BRDT: variants seen among roughly 807,000 people sequenced by gnomAD.
BRDT encodes bromodomain testis-specific protein.
Under a neutral mutation model 113.9 loss-of-function variants are expected in BRDT, and 77 were observed. That is an observed-to-expected ratio of 0.68 (90% CI 0.56 to 0.82). The LOEUF (loss-of-function observed/expected upper bound fraction) is 0.82. Among genes scored for constraint, BRDT ranks in the 40% least tolerant of loss-of-function variants. The pLI is 0.00. For missense variants in BRDT, 1,027 were observed against 1,105.4 expected, an observed-to-expected ratio of 0.93 and a Z score of 1.01; for synonymous variants, 358 against 366.5, an observed-to-expected ratio of 0.98 and a Z score of 0.26.
intron 14 of BRDT, 142 bp from the exon 15 acceptor site, chr1:91,993,941 T>C (rs1686030411): frequency 2.8e-6 from 2 of 704,904 alleles, no homozygotes; most frequent in Non-Finnish European, 4.4e-6. Context: ...TAACTATACA[T>C]TATAGATTTG....
chr1:91,978,438 C>A, intron 7 of BRDT, 142 bp downstream of exon 7: 2 of 939,748 alleles, frequency 2.1e-6, no homozygotes, highest in Non-Finnish European at 3.1e-6. Flanking sequence ...TACTTTTGCA[C>A]CAACAAAACA....
In BRDT at chr1:91,992,480, A is replaced by G. The variant is rs534705644; in HGVS notation, c.2115+166A>G. ...TATGGAAGCTGAGGGTATTTATTAGATGGCTTGGAGTATATAACAGGGCTT... is the reference window on the plus strand; with the variant it reads ...TATGGAAGCTGAGGGTATTTATTAGGTGGCTTGGAGTATATAACAGGGCTT... On this transcript the variant is annotated intron_variant, in intron 14 of 18. Coordinates refer to ENST00000399546, the MANE Select transcript of BRDT (RefSeq NM_207189.4). 7.3e-5 allele frequency among the ~76,000 whole-genome samples: 11 copies of G among 151,450 alleles called. No individual in the cohort carries two copies. In the East Asian group the frequency reaches 1.2e-3, roughly 16 times the overall value.
chr1:91,982,786 CAG>C (rs1176820217), intron 12 of BRDT, among the ~76,000 whole-genome samples: 1 of 151,986 alleles, frequency 6.6e-6, no homozygotes, highest in Non-Finnish European at 1.5e-5. Context: ...GGAGAATAAA[CAG>C]AATTTTTACT....
In BRDT at chr1:91,981,145, G is replaced by A; in HGVS notation, c.1717G>A (p.Ala573Thr). ...AAGAGAATTAGAAAAATATGTTTCG[G>A]CATGTCTAAGAAAGAGACCATTAAA... ...TLRELEKYVS[A>T]CLRKRPLKPP... The change falls in exon 10 of 19, where the codon GCA becomes ACA. Residue 573 changes from alanine to threonine, a missense_variant. Ala to Thr is a moderately conservative substitution (Grantham distance 58, BLOSUM62 0). Coordinates refer to ENST00000399546, the MANE Select transcript of BRDT (RefSeq NM_207189.4). 6.2e-7 allele frequency: 1 copy of A among 1,612,568 alleles called. No homozygotes were observed. Among genetic ancestry groups the A allele is most frequent in the Non-Finnish European group, 8.5e-7 (1 of 1,179,626 alleles).
chr1:91,975,794 T>C (rs10783074), intron 4 of BRDT, among the ~76,000 whole-genome samples: 109,322 of 152,144 alleles, frequency 0.72, 40,222 homozygotes, highest in Middle Eastern at 0.82. Context: ...GTGACAATTG[T>C]TCCTTTGGCA....
chr1:91,978,462 A>G (rs1176776010), intron 7 of BRDT, among the ~76,000 whole-genome samples, 166 bp downstream of exon 7: 4 of 152,192 alleles, frequency 2.6e-5, no homozygotes, highest in Admixed American at 6.5e-5. Flanking sequence ...TATGAATTAT[A>G]CTTTTAAAAC....
intron 8 of BRDT, 31 bp downstream of exon 8, chr1:91,979,788 A>G (rs1684545344): frequency 1.9e-6 from 3 of 1,575,114 alleles, no homozygotes; most frequent in Non-Finnish European, 2.6e-6. Flanking sequence ...AAATTTTGAT[A>G]ATCTATGAGC....
chr1:91,971,320 G>A (rs1371380834), intron 4 of BRDT, among the ~76,000 whole-genome samples: 2 of 152,072 alleles, frequency 1.3e-5, no homozygotes, highest in African/African-American at 2.4e-5. Context: ...ACCATATCAC[G>A]CTGGAAAAGT....
At chr1:92,004,235 T>C (rs755273871) in intron 16 of BRDT, among the ~76,000 whole-genome samples, 179 bp from the exon 17 acceptor site, 2 of 152,140 alleles carry the variant, frequency 1.3e-5, no homozygotes, top group Admixed American at 6.5e-5. Context: ...ATTATGTTTT[T>C]GTATTTTTTT....
At position 91,964,692 on chromosome 1, in the gene BRDT, ATAT is replaced by A. The variant is rs766816670; in HGVS notation, c.262_264del (p.Tyr88del). 7 of 1,522,438 alleles carry A rather than the reference ATAT, an allele frequency of 4.6e-6. No homozygotes were observed. The highest frequency in any genetic ancestry group is 2.7e-5 in the African/African-American group (2 of 73,234). The allele number at this position is 1,522,438 out of a possible 1,614,324, so 94.3% of individuals were successfully genotyped here. The stretch of plus-strand genomic sequence containing the variant: ...CAATTAAGAAGCGCTTGGAGAATAA[ATAT>A]TATGCGAAGGCTTCAGAATGTATAG... On this transcript the variant is annotated inframe_deletion, in exon 3 of 19. Coordinates refer to ENST00000399546, the MANE Select transcript of BRDT (RefSeq NM_207189.4).
intron 12 of BRDT, among the ~76,000 whole-genome samples, chr1:91,984,164 T>A (rs1294150601): frequency 6.6e-6 from 1 of 152,168 alleles, no homozygotes; most frequent in Non-Finnish European, 1.5e-5. Flanking sequence ...TGGGAAAAAA[T>A]TATATCTTTG....
chr1:91,990,684 T>C (rs957026312), intron 12 of BRDT, among the ~76,000 whole-genome samples: 1 of 152,226 alleles, frequency 6.6e-6, no homozygotes. Flanking sequence ...TAAAATAATC[T>C]TGAAAGCAGG....
At position 91,997,345 on chromosome 1, in the gene BRDT, G is replaced by C. The variant is rs535717381; in HGVS notation, c.2287+3091G>C. Among the ~76,000 whole-genome samples, 175 of 152,332 alleles carry C rather than the reference G, an allele frequency of 1.1e-3. 1 individual carries two copies. The highest frequency in any genetic ancestry group is 2.3e-3 in the Admixed American group (35 of 15,292). ...TTCTTTGAAGAACTTTGTTGGTAAA[G>C]AGGATGGAAAGATATTTGTGGCTTT... On this transcript the variant is annotated intron_variant, in intron 15 of 18. Transcript: ENST00000399546.
At chr1:91,959,399 C>G (rs539262580) in intron 1 of BRDT, among the ~76,000 whole-genome samples, 6 of 144,896 alleles carry the variant, frequency 4.1e-5, no homozygotes, top group Non-Finnish European at 8.9e-5. Flanking sequence ...TTTGTTCTTA[C>G]GATTTTTCTC....
At chr1:91,979,084 T>C (rs1424412729) in intron 7 of BRDT, among the ~76,000 whole-genome samples, 1 of 148,984 alleles carries the variant, frequency 6.7e-6, no homozygotes, top group Non-Finnish European at 1.5e-5. Context: ...TGGAGAAAAG[T>C]TGGTAAGTTT....
chr1:91,994,867 CAAAAAAAAAAAAAAAAA>C (rs11330809), intron 15 of BRDT, among the ~76,000 whole-genome samples: 1 of 65,498 alleles, frequency 1.5e-5, no homozygotes, highest in East Asian at 5.8e-4. Flanking sequence ...GACTCCGTCT[CAAAAAAAAAAAAAAAAA>C]AAAAAAAAGA....
At chr1:92,012,743 TCTAC>T (rs1210676978) in intron 18 of BRDT, among the ~76,000 whole-genome samples, 1 of 151,452 alleles carries the variant, frequency 6.6e-6, no homozygotes, top group African/African-American at 2.4e-5. Context: ...AAACCCCATC[TCTAC>T]TAAAACTACA....
chr1:91,983,147 A>G (rs931083511), intron 12 of BRDT, among the ~76,000 whole-genome samples: 3 of 152,078 alleles, frequency 2.0e-5, no homozygotes, highest in Non-Finnish European at 4.4e-5. Flanking sequence ...CAATATTATT[A>G]TATATTGCTT....
chr1:91,994,477 T>C (rs6700919), intron 15 of BRDT, among the ~76,000 whole-genome samples: 2,028 of 152,026 alleles, frequency 0.013, 39 homozygotes, highest in African/African-American at 0.047. Context: ...AAATTATGTA[T>C]ATAGTTCACA....
Sources: allele counts gnomAD v4.1 joint callset (sites outside exome capture counted in the v4.1 genomes callset), GRCh38; gene constraint gnomAD v4.1.1; transcripts MANE v1.5; gene names NCBI Gene and HGNC (gene_info 2026-07-23, HGNC 2026-07-21).